Variants in XKRX observed in about 807,000 individuals in gnomAD.
XKRX encodes the protein XK related X-linked, also known as XK-related protein 2.
A neutral mutation model predicts 22.4 loss-of-function variants in XKRX; 11 were observed. That is an observed-to-expected ratio of 0.49 (90% confidence interval 0.31 to 0.81). The LOEUF is 0.81. Ranked by LOEUF, XKRX falls within the 40% of genes least tolerant of loss-of-function variation. The pLI, the probability that XKRX is intolerant of heterozygous loss-of-function variation, is 0.05. For missense variants in XKRX, 320 were observed against 336.5 expected (o/e 0.95, Z 0.38); for synonymous variants, 114 against 132.2 (o/e 0.86, Z 0.94).
chrX:100,954,144 C>T, the XKRX span, among the ~76,000 whole-genome samples: 10 of 110,836 alleles, frequency 9.0e-5, no homozygotes, highest in Non-Finnish European at 1.1e-4. Context: ...GACAGCCGGG[C>T]GCAGTGGCTC....
At chrX:100,949,350 G>C in the XKRX span, among the ~76,000 whole-genome samples, 1 of 90,204 alleles carries the variant, frequency 1.1e-5, no homozygotes, top group South Asian at 6.5e-4. Context: ...AAAAGAAACA[G>C]GATGTTTTTG....
chrX:100,898,769 C>T, the XKRX span, among the ~76,000 whole-genome samples: 2,299 of 110,461 alleles, frequency 0.021, 54 homozygotes, highest in African/African-American at 0.07. Context: ...TGAAGGACTA[C>T]CCCCCAAAAA....
chrX:100,945,806 C>CAA, the XKRX span, among the ~76,000 whole-genome samples: 468 of 31,442 alleles, frequency 0.015, 9 homozygotes, highest in African/African-American at 0.039. Context: ...ATTCTGTCTC[C>CAA]AAAAAAAAAA....
At chrX:100,889,784 G>A in the XKRX span, among the ~76,000 whole-genome samples, 2 of 111,560 alleles carry the variant, frequency 1.8e-5, no homozygotes, top group Non-Finnish European at 3.8e-5. Flanking sequence ...TGAGTGGATA[G>A]CTTGAGCCCA....
chrX:100,887,897 A>G, the XKRX span: 1 of 1,161,494 alleles, frequency 8.6e-7, no homozygotes, highest in Admixed American at 2.2e-5. Flanking sequence ...ATCCACCACC[A>G]CCATGGCTGC....
chrX:100,890,593 A>C, the XKRX span, among the ~76,000 whole-genome samples: 1 of 110,567 alleles, frequency 9.0e-6, no homozygotes, highest in Non-Finnish European at 1.9e-5. Context: ...TGGTTGGAAC[A>C]GGAAAATCTT....
downstream of XKRX, among the ~76,000 whole-genome samples, chrX:100,910,457 T>C (rs1210665743): frequency 1.2e-4 from 13 of 109,990 alleles, no homozygotes; most frequent in Admixed American, 1.3e-3. Flanking sequence ...TGGTGGCATA[T>C]GCCTGTAATC....
chrX:100,918,334 C>T, intron 2 of XKRX, among the ~76,000 whole-genome samples: 1 of 111,706 alleles, frequency 9.0e-6, no homozygotes, highest in East Asian at 2.8e-4. Flanking sequence ...TTGTCTTTCT[C>T]AACCATTCTC....
At chrX:100,929,603 G>A (rs1161962383), upstream of XKRX, among the ~76,000 whole-genome samples, 1 of 111,656 alleles carries the variant, frequency 9.0e-6, no homozygotes, top group African/African-American at 3.3e-5. Context: ...TCATGAAGGG[G>A]GAACCTGGGA....
At chrX:100,933,310 C>A (rs1199715414), upstream of XKRX, among the ~76,000 whole-genome samples, 1 of 110,243 alleles carries the variant, frequency 9.1e-6, no homozygotes, top group East Asian at 2.8e-4. Flanking sequence ...GGTGAAACCC[C>A]ATTTCTACTA....
the XKRX span, among the ~76,000 whole-genome samples, chrX:100,893,839 G>A: frequency 9.0e-6 from 1 of 111,709 alleles, no homozygotes; most frequent in Admixed American, 9.5e-5. Flanking sequence ...AGGAGGAAGG[G>A]GTGAAAAATT....
At chrX:100,900,828 C>G in the XKRX span, among the ~76,000 whole-genome samples, 4 of 93,762 alleles carry the variant, frequency 4.3e-5, no homozygotes, top group South Asian at 5.5e-4. Context: ...CTTGTTCTGT[C>G]GCCTAGGCTG....
the XKRX span, among the ~76,000 whole-genome samples, chrX:100,937,180 G>A: frequency 2.7e-5 from 3 of 110,440 alleles, no homozygotes; most frequent in Non-Finnish European, 3.8e-5. Context: ...TAGTAGAGAC[G>A]AGGTTTCACC....
intron 2 of XKRX, among the ~76,000 whole-genome samples, chrX:100,919,662 T>C (rs1028562868): frequency 7.1e-5 from 8 of 111,904 alleles, no homozygotes; most frequent in Non-Finnish European, 1.5e-4. Flanking sequence ...CTCAGCTTCA[T>C]TCATAACCAA....
chrX:100,943,412 G>C, the XKRX span, among the ~76,000 whole-genome samples: 2 of 111,018 alleles, frequency 1.8e-5, no homozygotes, highest in African/African-American at 6.5e-5. Context: ...GTTTTGTTTT[G>C]TTTTGTTTGA....
At chrX:100,896,918 A>G in the XKRX span, among the ~76,000 whole-genome samples, 1 of 112,061 alleles carries the variant, frequency 8.9e-6, no homozygotes, top group Non-Finnish European at 1.9e-5. Context: ...ACTGAAACAA[A>G]TGAACTTCAC....
upstream of XKRX, among the ~76,000 whole-genome samples, chrX:100,931,309 TTCTG>T (rs2085521386): frequency 9.0e-6 from 1 of 110,688 alleles, no homozygotes; most frequent in African/African-American, 3.3e-5. Context: ...AAATGACTCC[TTCTG>T]TCTGTCATTC....
chrX:100,911,693 A>C (rs1284600560), downstream of XKRX, among the ~76,000 whole-genome samples: 1 of 112,200 alleles, frequency 8.9e-6, no homozygotes, highest in Non-Finnish European at 1.9e-5. Flanking sequence ...TTGCAAATGG[A>C]AGGGAGCAAG....
At chrX:100,909,489 T>C (rs922033849), downstream of XKRX, among the ~76,000 whole-genome samples, 1 of 112,742 alleles carries the variant, frequency 8.9e-6, no homozygotes, top group Non-Finnish European at 1.9e-5. Context: ...GACTGAATCC[T>C]GTCTCTGACA....
Sources: gnomAD v4.1 joint callset for allele counts (sites outside exome capture counted in the v4.1 genomes callset) on GRCh38, gnomAD v4.1.1 for gene constraint, MANE v1.5 for transcripts, NCBI Gene and HGNC (gene_info 2026-07-23, HGNC 2026-07-21) for gene names.